Variants in CEP112 observed in about 807,000 individuals in gnomAD.
CEP112 encodes centrosomal protein 112, also known as centrosomal protein of 112 kDa.
In CEP112, 127 loss-of-function variants were observed where a neutral mutation model predicts 153.0. The observed-to-expected ratio is 0.83, with a 90% CI of 0.72 to 0.96. The LOEUF (loss-of-function observed/expected upper bound fraction) is 0.96, where lower values mean the gene tolerates loss of function less well. Ranked by LOEUF, CEP112 falls within the 40% of genes least tolerant of loss-of-function variation. CEP112 has a pLI of 0.00. For synonymous variants in CEP112, 358 were observed against 374.4 expected (o/e 0.96, Z 0.51); for missense variants, 1,089 against 1,101.2 (o/e 0.99, Z 0.16).
intron 17 of CEP112, among the ~76,000 whole-genome samples, chr17:65,991,219 T>G (rs2063582292): frequency 6.6e-6 from 1 of 152,220 alleles, no homozygotes; most frequent in Non-Finnish European, 1.5e-5. Context: ...TTACTTTTAA[T>G]CGAACTTTGA....
At chr17:66,161,212 G>T (rs2071687802) in intron 4 of CEP112, among the ~76,000 whole-genome samples, 1 of 152,160 alleles carries the variant, frequency 6.6e-6, no homozygotes, top group Admixed American at 6.5e-5. Context: ...TGAAGAAATA[G>T]GAATGCTTTT....
intron 16 of CEP112, among the ~76,000 whole-genome samples, chr17:66,022,864 T>C (rs1181283021): frequency 2.0e-5 from 3 of 151,800 alleles, no homozygotes; most frequent in African/African-American, 7.3e-5. Flanking sequence ...ATGAGACAGA[T>C]ATCTTAGAAA....
chr17:65,748,711 G>A (rs932636811), intron 22 of CEP112, among the ~76,000 whole-genome samples: 5 of 152,162 alleles, frequency 3.3e-5, no homozygotes, highest in Admixed American at 2.6e-4. Flanking sequence ...AAAGAGGGCG[G>A]GTAACTTGCT....
At chr17:66,125,599 A>G (rs1332466154) in intron 6 of CEP112, among the ~76,000 whole-genome samples, 1 of 152,196 alleles carries the variant, frequency 6.6e-6, no homozygotes, top group Admixed American at 6.5e-5. Flanking sequence ...ATAAAACTAG[A>G]TAAGACAGCT....
At chr17:66,129,539 A>G (rs948304000) in intron 6 of CEP112, among the ~76,000 whole-genome samples, 1 of 152,204 alleles carries the variant, frequency 6.6e-6, no homozygotes, top group Non-Finnish European at 1.5e-5. Flanking sequence ...CACACATAAC[A>G]AAGTTAGCTT....
Position 66,117,084 on chromosome 17 carries a change from C to T in CEP112, c.642+12662G>A, listed in dbSNP as rs151328680. 2.4e-4 allele frequency among the ~76,000 whole-genome samples: 37 copies of T among 151,972 alleles called. 1 individual carries two copies. The East Asian group carries it at 5.8e-3, about 24-fold the overall frequency. On this transcript the variant is annotated intron_variant, in intron 6 of 26. Coordinates refer to ENST00000535342, the MANE Select transcript of CEP112 (RefSeq NM_001199165.4). ...ACAAAAATACAAAAATTAGTAGAGA[C>T]GGGGTTTCACCATGTTGGCCAGGAT...
chr17:65,732,802 A>C (rs1359332979), intron 23 of CEP112, among the ~76,000 whole-genome samples: 3 of 152,212 alleles, frequency 2.0e-5, no homozygotes, highest in African/African-American at 7.2e-5. Context: ...GAATTGAAGA[A>C]ATTTATGGCC....
intron 18 of CEP112, among the ~76,000 whole-genome samples, chr17:65,928,480 T>G (rs539445883): frequency 6.6e-6 from 1 of 152,308 alleles, no homozygotes; most frequent in African/African-American, 2.4e-5. Flanking sequence ...ATGTTTATAG[T>G]AGCATTATTC....
rs547325136 is a variant in CEP112, at chr17:65,867,732, T to C, written c.2164-15698A>G. Among the ~76,000 whole-genome samples, 68 of 152,298 alleles carry C rather than the reference T, an allele frequency of 4.5e-4. 1 individual carries two copies. The highest frequency in any genetic ancestry group is 8.4e-4 in the Non-Finnish European group (57 of 68,010). On this transcript the variant is annotated intron_variant, in intron 20 of 26. Coordinates refer to ENST00000535342, the MANE Select transcript of CEP112 (RefSeq NM_001199165.4). ...GGAGTTTATTATTTAATAACTTAGCTTTATTTATTACTATGTATTTCCCAT... is the reference window on the plus strand; with the variant it reads ...GGAGTTTATTATTTAATAACTTAGCCTTATTTATTACTATGTATTTCCCAT...
intron 6 of CEP112, among the ~76,000 whole-genome samples, chr17:66,105,997 G>A (rs892655883): frequency 2.6e-5 from 4 of 151,842 alleles, no homozygotes; most frequent in Admixed American, 6.6e-5. Context: ...ATAACAGGAA[G>A]AATTTTGAAA....
intron 24 of CEP112, among the ~76,000 whole-genome samples, chr17:65,665,496 T>C (rs1047591845): frequency 6.6e-6 from 1 of 152,208 alleles, no homozygotes; most frequent in African/African-American, 2.4e-5. Flanking sequence ...AAGCCTAGGA[T>C]ACTGCGCGAG....
Position 66,093,389 on chromosome 17 carries a change from G to T in CEP112, c.768+2862C>A, listed in dbSNP as rs141048651. ...CAAATTGGAAAGGAACGAGTGAAATGGTCTCTATTTACAGACGATATGATC... is the reference window on the plus strand; with the variant it reads ...CAAATTGGAAAGGAACGAGTGAAATTGTCTCTATTTACAGACGATATGATC... On this transcript the variant is annotated intron_variant, in intron 8 of 26. Transcript: ENST00000535342. Among the ~76,000 whole-genome samples, 122 of 151,650 alleles carry T rather than the reference G, an allele frequency of 8.0e-4. No individual in the cohort carries two copies. The East Asian group carries it at 0.023, about 29-fold the overall frequency.
intron 8 of CEP112, among the ~76,000 whole-genome samples, chr17:66,082,053 T>A (rs2067742593): frequency 6.6e-6 from 1 of 152,292 alleles, no homozygotes; most frequent in Non-Finnish European, 1.5e-5. Flanking sequence ...AAAAGAGTAA[T>A]TTTTTACTCC....
intron 23 of CEP112, among the ~76,000 whole-genome samples, chr17:65,726,826 C>T (rs1366430411): frequency 2.6e-5 from 4 of 152,150 alleles, no homozygotes; most frequent in African/African-American, 7.2e-5. Flanking sequence ...GCACTCTTTT[C>T]ATTTATTATA....
At chr17:66,031,517 A>G (rs1284339719) in intron 12 of CEP112, among the ~76,000 whole-genome samples, 1 of 137,154 alleles carries the variant, frequency 7.3e-6, no homozygotes, top group Non-Finnish European at 1.5e-5. Flanking sequence ...AGGGTCTCAT[A>G]GCGCAATCTT....
intron 23 of CEP112, among the ~76,000 whole-genome samples, chr17:65,696,475 A>C (rs1489691842): frequency 6.6e-6 from 1 of 152,138 alleles, no homozygotes; most frequent in East Asian, 1.9e-4. Context: ...TGTTGATTAA[A>C]GTTTTGCCCT....
At chr17:65,818,071 T>C (rs557545297) in intron 21 of CEP112, among the ~76,000 whole-genome samples, 20 of 152,006 alleles carry the variant, frequency 1.3e-4, no homozygotes, top group African/African-American at 4.8e-4. Context: ...GTTTACACTG[T>C]CATTACTCAA....
At chr17:65,937,650 T>A (rs1251210794) in intron 18 of CEP112, among the ~76,000 whole-genome samples, 2 of 46,014 alleles carry the variant, frequency 4.3e-5, no homozygotes, top group East Asian at 4.6e-3. Context: ...CCAGCCGCCC[T>A]GTCCGGGAGG....
rs982716737 is a variant in CEP112, at chr17:65,870,781, C to A, written c.2164-18747G>T. Among the ~76,000 whole-genome samples the A allele has an allele frequency of 7.9e-5, 12 of 152,320 alleles. No homozygotes were observed. The East Asian group carries it at 1.9e-3, about 24-fold the overall frequency. Reference sequence around the variant, plus strand: ...GAAACACCTAAAGTTATTTTCTTGACAGAGTTTCCAGGAGTGACAGGTAAC... The same window carrying A: ...GAAACACCTAAAGTTATTTTCTTGAAAGAGTTTCCAGGAGTGACAGGTAAC... On this transcript the variant is annotated intron_variant, in intron 20 of 26. Coordinates refer to ENST00000535342, the MANE Select transcript of CEP112 (RefSeq NM_001199165.4).
Sources: allele counts gnomAD v4.1 joint callset (sites outside exome capture counted in the v4.1 genomes callset), GRCh38; gene constraint gnomAD v4.1.1; transcripts MANE v1.5; gene names NCBI Gene and HGNC (gene_info 2026-07-23, HGNC 2026-07-21).